Variants in ARRDC4 observed in about 807,000 individuals in gnomAD.
The protein encoded by ARRDC4 is arrestin domain-containing protein 4.
Under a neutral mutation model 44.6 loss-of-function variants are expected in ARRDC4, and 40 were observed. That is an observed-to-expected ratio of 0.90 (90% CI 0.70 to 1.17). The LOEUF (loss-of-function observed/expected upper bound fraction) is 1.17, where lower values mean the gene tolerates loss of function less well. Among genes scored for constraint, ARRDC4 ranks in the 50% most tolerant of loss-of-function variants. ARRDC4 has a pLI of 0.00. For missense variants in ARRDC4, 550 were observed against 559.1 expected, an observed-to-expected ratio of 0.98 and a Z score of 0.16; for synonymous variants, 211 against 221.2, an observed-to-expected ratio of 0.95 and a Z score of 0.41.
rs532923350 is a variant in ARRDC4 at position 97,973,204 on chromosome 15, C to T, written c.*2017C>T. Reference sequence around the variant, plus strand: ...AAAACATAATGAAAGAAACAAACTCCAGTATGGAGAAGAGAAAGTTTAATT... The same window carrying T: ...AAAACATAATGAAAGAAACAAACTCTAGTATGGAGAAGAGAAAGTTTAATT... On this transcript the variant is annotated 3_prime_UTR_variant, in exon 8 of 8. Transcript: ENST00000268042. The T allele has an allele frequency of 4.6e-5, 7 of 152,578 alleles. No individual in the cohort carries two copies. In the East Asian group the frequency reaches 1.4e-3, roughly 29 times the overall value. 9.5% of individuals were successfully genotyped at this position (152,578 alleles called of 1,614,324 possible). A position where few individuals can be genotyped will look rare whatever the true frequency, so the allele number is the denominator to read the frequency against.
chr15:97,962,923 A>C (rs145998806), intron 1 of ARRDC4, among the ~76,000 whole-genome samples: 1 of 152,360 alleles, frequency 6.6e-6, no homozygotes, highest in East Asian at 1.9e-4. Context: ...ATCTGTTTTC[A>C]CAAATGCTCT....
rs1899500166 is a variant in ARRDC4, at chr15:97,970,878, TAATAG to T, written c.1200+137_1200+141del. 9.8e-6 allele frequency: 11 copies of T among 1,126,702 alleles called. No individual in the cohort carries two copies. The highest frequency in any genetic ancestry group is 1.4e-5 in the Non-Finnish European group (11 of 803,450). 69.8% of individuals were successfully genotyped at this position (1,126,702 alleles called of 1,614,324 possible). A position where few individuals can be genotyped will look rare whatever the true frequency, so the allele number is the denominator to read the frequency against. ...ACATTTAAATTTGTTTATACAGTGGTAATAGATTATCGCTGATTCATTTGCCAGAT... is the reference window on the plus strand; with the variant it reads ...ACATTTAAATTTGTTTATACAGTGGTATTATCGCTGATTCATTTGCCAGAT... On this transcript the variant is annotated intron_variant, in intron 7 of 7. Transcript: ENST00000268042. The surrounding 1 kb of genome is among the most constrained non-coding windows in gnomAD (Gnocchi z 4.2).
chr15:97,970,142 A>G lies in ARRDC4; in HGVS notation c.1045+97A>G. The G allele has an allele frequency of 1.6e-6, 2 of 1,253,276 alleles. No individual in the cohort carries two copies. Among genetic ancestry groups the G allele is most frequent in the Non-Finnish European group, 2.2e-6 (2 of 923,606 alleles). The allele number at this position is 1,253,276 out of a possible 1,614,324, so 77.6% of individuals were successfully genotyped here. ...ATTAAGTGCTCAGATGTTGATGAGTACTGCTACTATAGGTATCTTTATTCC... is the reference window on the plus strand; with the variant it reads ...ATTAAGTGCTCAGATGTTGATGAGTGCTGCTACTATAGGTATCTTTATTCC... On this transcript the variant is annotated intron_variant, in intron 6 of 7. Transcript: ENST00000268042. This position sits in a 1 kb window ranked among gnomAD's most constrained non-coding sequence, Gnocchi z 4.2.
At chr15:97,963,860 C>T (rs984470454) in intron 1 of ARRDC4, among the ~76,000 whole-genome samples, 5 of 152,228 alleles carry the variant, frequency 3.3e-5, no homozygotes, top group Non-Finnish European at 7.3e-5. Context: ...TTTAGCCCAG[C>T]TCTTTTAGGA....
At position 97,971,286 on chromosome 15, in the gene ARRDC4, C is replaced by A; in HGVS notation, c.*99C>A. The A allele has an allele frequency of 2.5e-6, 3 of 1,212,700 alleles. No homozygotes were observed. The highest frequency in any genetic ancestry group is 3.6e-6 in the Non-Finnish European group (3 of 829,874). 75.1% of individuals were successfully genotyped at this position (1,212,700 alleles called of 1,614,324 possible). A position where few individuals can be genotyped will look rare whatever the true frequency, so the allele number is the denominator to read the frequency against. On this transcript the variant is annotated 3_prime_UTR_variant, in exon 8 of 8. Coordinates refer to ENST00000268042, the MANE Select transcript of ARRDC4 (RefSeq NM_183376.3). Reference sequence around the variant, plus strand: ...GAGACAGGAAAGATTCACTTGAAAACATAAATGAACGTCAAGACTGAAGGC... The same window carrying A: ...GAGACAGGAAAGATTCACTTGAAAAAATAAATGAACGTCAAGACTGAAGGC...
rs755736987 is a variant in ARRDC4, at chr15:97,968,070, T to A, written c.579T>A (p.Gly193=). The A allele has an allele frequency of 6.2e-7, 1 of 1,603,516 alleles. No homozygotes were observed. The highest frequency in any genetic ancestry group is 1.7e-5 in the Admixed American group (1 of 58,256). The change falls in exon 4 of 8, where the codon GGT becomes GGA. Residue 193 remains glycine, a synonymous_variant. Transcript: ENST00000268042. The surrounding 1 kb of genome is among the most constrained non-coding windows in gnomAD (Gnocchi z 5.4). ...TTGGCTGTTGGTTTTTCACTTCTGG[T>A]CCAGTCTCGCTGAGTGCCAAAATTG... The part of the protein sequence containing the change: ...KMVGCWFFTS[G]PVSLSAKIER...
rs147666967 is a variant in ARRDC4 at position 97,966,422 on chromosome 15, G to A, written c.522+380G>A. On this transcript the variant is annotated intron_variant, in intron 3 of 7. Transcript: ENST00000268042. The surrounding 1 kb of genome is among the most constrained non-coding windows in gnomAD (Gnocchi z 4.7). ...TATTCTAAACTCCTCAATAATAGCA[G>A]GTTGAGGAACAGTAATTATGGAAGA... Among the ~76,000 whole-genome samples the A allele has an allele frequency of 6.6e-6, 1 of 152,252 alleles. No homozygotes were observed. Among genetic ancestry groups the A allele is most frequent in the East Asian group, 1.9e-4 (1 of 5,184 alleles).
At position 97,967,612 on chromosome 15, in the gene ARRDC4, ATTAT is replaced by A. The variant is rs1266443976; in HGVS notation, c.523-399_523-396del. On this transcript the variant is annotated intron_variant, in intron 3 of 7. Coordinates refer to ENST00000268042, the MANE Select transcript of ARRDC4 (RefSeq NM_183376.3). The surrounding 1 kb of genome is among the most constrained non-coding windows in gnomAD (Gnocchi z 5.0). The stretch of plus-strand genomic sequence containing the variant: ...ATGCCAAAATAAATATAATGTTCTG[ATTAT>A]TTTTTATTTTTATATCATTTATCCT... 3.3e-5 allele frequency among the ~76,000 whole-genome samples: 5 copies of A among 151,924 alleles called. No individual in the cohort carries two copies. The highest frequency in any genetic ancestry group is 1.9e-4 in the East Asian group (1 of 5,190).
In ARRDC4 at chr15:97,964,608, C is replaced by G. The variant is rs796104755; in HGVS notation, c.308-992C>G. On this transcript the variant is annotated intron_variant, in intron 1 of 7. Transcript: ENST00000268042. ...CACACCCTGCATTTTGGCCTTCTCACAATCTAGTGATAAGCTTCTGCCTGA... is the reference window on the plus strand; with the variant it reads ...CACACCCTGCATTTTGGCCTTCTCAGAATCTAGTGATAAGCTTCTGCCTGA... Among the ~76,000 whole-genome samples the G allele has an allele frequency of 2.6e-5, 4 of 152,258 alleles. 1 individual carries two copies. Among genetic ancestry groups the G allele is most frequent in the African/African-American group, 9.6e-5 (4 of 41,546 alleles).
rs1041976148 is a variant in ARRDC4 at position 97,973,458 on chromosome 15, T to G, written c.*2271T>G. 1.3e-5 allele frequency: 2 copies of G among 152,528 alleles called. No homozygotes were observed. The highest frequency in any genetic ancestry group is 4.8e-5 in the African/African-American group (2 of 41,456). The allele number at this position is 152,528 out of a possible 1,614,324, so 9.4% of individuals were successfully genotyped here. ...ATCATTTTATGAATGTGGAGAATTC[T>G]ACATTGAAACAGAAAATACCTGGGA... On this transcript the variant is annotated 3_prime_UTR_variant, in exon 8 of 8. Transcript: ENST00000268042.
chr15:97,969,601 T>C (rs1385907625), intron 5 of ARRDC4, among the ~76,000 whole-genome samples: 1 of 152,182 alleles, frequency 6.6e-6, no homozygotes, highest in Non-Finnish European at 1.5e-5. Flanking sequence ...AAGGGGTGTT[T>C]GTTATATTGA....
Position 97,970,673 on chromosome 15 carries a change from G to C in ARRDC4, c.1130G>C (p.Gly377Ala). 1 of 1,613,634 alleles carries C rather than the reference G, an allele frequency of 6.2e-7. No individual in the cohort carries two copies. The highest frequency in any genetic ancestry group is 2.2e-5 in the East Asian group (1 of 44,868). ...TACCCTCAACCCCCTAACTGTGAGG[G>C]AGAAGTGTGCTGTCCTGTGTTTGCC... ...PPYPQPPNCE[G>A]EVCCPVFACI... Residue 377 changes from glycine to alanine, a missense_variant, in exon 7 of 8, where the codon GGA becomes GCA. By Grantham distance (60) the Gly-to-Ala change is moderately conservative. Coordinates refer to ENST00000268042, the MANE Select transcript of ARRDC4 (RefSeq NM_183376.3). The surrounding 1 kb of genome is among the most constrained non-coding windows in gnomAD (Gnocchi z 4.2).
At chr15:97,961,317 G>A in intron 1 of ARRDC4, 149 bp downstream of exon 1, 3 of 751,946 alleles carry the variant, frequency 4.0e-6, no homozygotes, top group Non-Finnish European at 3.7e-6. Context: ...CGCGGGTAAG[G>A]AGAGACCGCA....
intron 1 of ARRDC4, among the ~76,000 whole-genome samples, chr15:97,962,961 TAATTC>T (rs1899346867): frequency 6.6e-6 from 1 of 152,244 alleles, no homozygotes; most frequent in African/African-American, 2.4e-5. Context: ...ATCCTTAATC[TAATTC>T]AACTACTTGC....
intron 1 of ARRDC4, among the ~76,000 whole-genome samples, chr15:97,962,854 C>T (rs1899345154): frequency 6.6e-6 from 1 of 152,166 alleles, no homozygotes; most frequent in Non-Finnish European, 1.5e-5. Context: ...ATTACAAAAC[C>T]TGGCTGTGTT....
Position 97,960,817 on chromosome 15 carries a change from C to A in ARRDC4, c.-45C>A. 7.9e-7 allele frequency: 1 copy of A among 1,265,128 alleles called. No individual in the cohort carries two copies. The highest frequency in any genetic ancestry group is 3.0e-4 in the Middle Eastern group (1 of 3,318). The allele number at this position is 1,265,128 out of a possible 1,614,324, so 78.4% of individuals were successfully genotyped here. A position where few individuals can be genotyped will look rare whatever the true frequency, so the allele number is the denominator to read the frequency against. On this transcript the variant is annotated 5_prime_UTR_variant, in exon 1 of 8. Coordinates refer to ENST00000268042, the MANE Select transcript of ARRDC4 (RefSeq NM_183376.3). Reference sequence around the variant, plus strand: ...GCCGCTGTGCTCGCGACCCCGGCTCCGGGCCTCTGCCGACCTCAGGGGCAG... The same window carrying A: ...GCCGCTGTGCTCGCGACCCCGGCTCAGGGCCTCTGCCGACCTCAGGGGCAG...
rs1899490471 is a variant in ARRDC4, at chr15:97,970,493, A to G, written c.1046-96A>G. On this transcript the variant is annotated intron_variant, in intron 6 of 7. Coordinates refer to ENST00000268042, the MANE Select transcript of ARRDC4 (RefSeq NM_183376.3). This position sits in a 1 kb window ranked among gnomAD's most constrained non-coding sequence, Gnocchi z 4.2. ...AGAGGGAAAGAATGCCATATTTTTT[A>G]TCTTCAAGTTTAGCTGTTTCTTGTT... The G allele has an allele frequency of 1.5e-6, 2 of 1,290,320 alleles. No homozygotes were observed. 79.9% of individuals were successfully genotyped at this position (1,290,320 alleles called of 1,614,324 possible). A position where few individuals can be genotyped will look rare whatever the true frequency, so the allele number is the denominator to read the frequency against.
At position 97,968,580 on chromosome 15, in the gene ARRDC4, C is replaced by T. The variant is rs573686822; in HGVS notation, c.625+464C>T. On this transcript the variant is annotated intron_variant, in intron 4 of 7. Transcript: ENST00000268042. This position sits in a 1 kb window ranked among gnomAD's most constrained non-coding sequence, Gnocchi z 5.4. ...ATTGCCATTAGTGAAGGGCCCATTT[C>T]CAGCAGTGGATTTGGCCCCTGCTCC... Among the ~76,000 whole-genome samples the T allele has an allele frequency of 2.6e-4, 40 of 152,310 alleles. No homozygotes were observed. Among genetic ancestry groups the T allele is most frequent in the Non-Finnish European group, 4.7e-4 (32 of 68,024 alleles).
intron 1 of ARRDC4, among the ~76,000 whole-genome samples, chr15:97,964,404 A>G (rs1261067698): frequency 6.6e-6 from 1 of 152,160 alleles, no homozygotes; most frequent in Non-Finnish European, 1.5e-5. Flanking sequence ...CCTATCCACA[A>G]TAAGGGAATT....
Sources: gnomAD v4.1 joint callset for allele counts (sites outside exome capture counted in the v4.1 genomes callset) on GRCh38, gnomAD v4.1.1 for gene constraint, Gnocchi (gnomAD v3.1) non-coding constraint, MANE v1.5 for transcripts, NCBI Gene and HGNC (gene_info 2026-07-23, HGNC 2026-07-21) for gene names.